Variants in GRIN2C observed in about 807,000 individuals in gnomAD.
GRIN2C encodes the protein glutamate receptor ionotropic, NMDA 2C.
GRIN2C carries 64 observed loss-of-function variants against 77.7 expected under a neutral mutation model. The observed-to-expected ratio is 0.82, with a 90% CI of 0.67 to 1.01. The LOEUF (loss-of-function observed/expected upper bound fraction) is 1.01, where lower values mean the gene tolerates loss of function less well. Ranked by LOEUF, GRIN2C falls within the 50% of genes least tolerant of loss-of-function variation. The pLI is 0.00. For missense variants in GRIN2C, 1,549 were observed against 1,486.0 expected (o/e 1.04, Z -0.70); for synonymous variants, 792 against 643.4 (o/e 1.23, Z -3.49).
Position 74,846,102 on chromosome 17 carries a change from C to A in GRIN2C, c.2314G>T (p.Ala772Ser), listed in dbSNP as rs924311801. Residue 772 changes from alanine (A) to serine (S), a missense_variant, in exon 11 of 13, where the codon GCC becomes TCC. This residue lies in a region of GRIN2C where 717 missense variants were observed against 858.1 expected (regional missense o/e 0.84). Transcript: ENST00000293190. The surrounding 1 kb of genome is among the most constrained non-coding windows in gnomAD (Gnocchi z 4.4). ...AACTGCAAGAGCGCCAGGTCTATGG[C>A]CCGCTTCCAGTGGGAGTCCTTCTGC... is the stretch of plus-strand genomic sequence containing the variant. ...AMQKDSHWKRAIDLALLQFLG... is the reference protein window; with the variant it reads ...AMQKDSHWKRSIDLALLQFLG... 6.2e-7 allele frequency: 1 copy of A among 1,614,222 alleles called. No homozygotes were observed. Among genetic ancestry groups the A allele is most frequent in the Non-Finnish European group, 8.5e-7 (1 of 1,180,026 alleles).
In GRIN2C at chr17:74,842,452, G is replaced by T; in HGVS notation, c.3685C>A (p.Leu1229Met). 1 of 775,298 alleles carries T rather than the reference G, an allele frequency of 1.3e-6. No homozygotes were observed. The highest frequency in any genetic ancestry group is 1.4e-5 in the South Asian group (1 of 73,928). The allele number at this position is 775,298 out of a possible 1,614,324, so 48.0% of individuals were successfully genotyped here. A position where few individuals can be genotyped will look rare whatever the true frequency, so the allele number is the denominator to read the frequency against. ...CTGATAACTCACACTTCTGACTCCA[G>T]ACTGGAGATCCGTCTCCAGGTGCAG... ...GPCTWRRISS[L>M]ESEV is the part of the protein sequence containing the mutation. Residue 1229 changes from leucine to methionine, a missense_variant, in exon 13 of 13, where the codon CTG becomes ATG. Leu to Met is a conservative substitution (Grantham distance 15). Transcript: ENST00000293190.
chr17:74,843,652 T>A, intron 12 of GRIN2C, 99 bp from the exon 13 acceptor site: 1 of 1,446,348 alleles, frequency 6.9e-7, no homozygotes. Flanking sequence ...CAGTCTTCTA[T>A]AAGTCTCAGG....
At position 74,850,986 on chromosome 17, in the gene GRIN2C, G is replaced by C. The variant is rs1266526100; in HGVS notation, c.1114-219C>G. On this transcript the variant is annotated intron_variant, in intron 4 of 12. Coordinates refer to ENST00000293190, the MANE Select transcript of GRIN2C (RefSeq NM_000835.6). This position sits in a 1 kb window ranked among gnomAD's most constrained non-coding sequence, Gnocchi z 5.3. ...CTTCCTAAAGCCCAGACCTGACCCT[G>C]TCTCACTCACTGTACTGGTCCCCCC... 6.7e-6 allele frequency: 4 copies of C among 593,564 alleles called. No homozygotes were observed. Among genetic ancestry groups the C allele is most frequent in the African/African-American group, 5.6e-5 (3 of 53,748 alleles). The allele number at this position is 593,564 out of a possible 1,614,324, so 36.8% of individuals were successfully genotyped here.
In GRIN2C at chr17:74,854,961, G is replaced by C. The variant is rs552529334; in HGVS notation, c.132C>G (p.Ala44=). ...VVFSSSGPPQ[A]QFRARLTPQS... ...GGGGGGTGAGGCGGGCACGGAACTGGGCCTGGGGCGGCCCTGAGCTGCTAA... is the reference window on the plus strand; with the variant it reads ...GGGGGGTGAGGCGGGCACGGAACTGCGCCTGGGGCGGCCCTGAGCTGCTAA... Residue 44 remains alanine, a synonymous_variant, in exon 2 of 13, where the codon GCC becomes GCG. Transcript: ENST00000293190. 6.2e-7 allele frequency: 1 copy of C among 1,611,910 alleles called. No individual in the cohort carries two copies. The highest frequency in any genetic ancestry group is 8.5e-7 in the Non-Finnish European group (1 of 1,179,950).
chr17:74,860,303 C>T (rs1465040297), upstream of GRIN2C: 4 of 392,172 alleles, frequency 1.0e-5, no homozygotes, highest in South Asian at 5.4e-5. Flanking sequence ...TCCTGTGGCC[C>T]GGGGTCAGGG....
chr17:74,854,540 T>C lies in GRIN2C; in HGVS notation c.399+154A>G, dbSNP rs556767000. 4 of 618,122 alleles carry C rather than the reference T, an allele frequency of 6.5e-6. No individual in the cohort carries two copies. The East Asian group carries it at 8.3e-5, about 13-fold the overall frequency. 38.3% of individuals were successfully genotyped at this position (618,122 alleles called of 1,614,324 possible). A position where few individuals can be genotyped will look rare whatever the true frequency, so the allele number is the denominator to read the frequency against. On this transcript the variant is annotated intron_variant, in intron 2 of 12. Transcript: ENST00000293190. Reference sequence around the variant, plus strand: ...CTCTCCTCTAGAACATGGGATGTCATTCCCATAACCATCTCCCCATCACCC... The same window carrying C: ...CTCTCCTCTAGAACATGGGATGTCACTCCCATAACCATCTCCCCATCACCC...
At chr17:74,845,697 A>G (rs1225019951) in intron 11 of GRIN2C, among the ~76,000 whole-genome samples, 1 of 152,152 alleles carries the variant, frequency 6.6e-6, no homozygotes, top group African/African-American at 2.4e-5. Context: ...CAAGATGGCC[A>G]TGGAGATACT....
Position 74,850,361 on chromosome 17 carries a change from C to T in GRIN2C, c.1336G>A (p.Val446Met), listed in dbSNP as rs61754645. ...CAGCAGAGCTTGGTGTAGGGGGCCACGTCCCCGCTGCTGCAGCCATGCCGC... is the reference window on the plus strand; with the variant it reads ...CAGCAGAGCTTGGTGTAGGGGGCCATGTCCCCGCTGCTGCAGCCATGCCGC... ...QSNHTFSSGDVAPYTKLCCKG... is the reference protein window; with the variant it reads ...QSNHTFSSGDMAPYTKLCCKG... Residue 446 changes from valine to methionine, a missense_variant, in exon 6 of 13, where the codon GTG (valine) becomes ATG (methionine). By Grantham distance (21) the Val-to-Met change is conservative. This residue lies in a region of GRIN2C where 717 missense variants were observed against 858.1 expected (regional missense o/e 0.84). Transcript: ENST00000293190. This position sits in a 1 kb window ranked among gnomAD's most constrained non-coding sequence, Gnocchi z 5.3. 2,512 of 1,611,822 alleles carry T rather than the reference C, an allele frequency of 1.6e-3. 12 individuals carry two copies. The highest frequency in any genetic ancestry group is 1.4e-3 in the Non-Finnish European group (1,635 of 1,179,884).
intron 11 of GRIN2C, 145 bp downstream of exon 11, chr17:74,845,921 C>T: frequency 1.4e-6 from 1 of 732,696 alleles, no homozygotes; most frequent in Non-Finnish European, 2.4e-6. Context: ...GCTCCTAGTA[C>T]CTGCCCACCT....
At position 74,842,510 on chromosome 17, in the gene GRIN2C, C is replaced by A. The variant is rs3744215; in HGVS notation, c.3627G>T (p.Arg1209Ser). Reference sequence around the variant, plus strand: ...GGAAGCCTTGCGTCCCACGGGCTACCCTGCTGATCTCGTCCAGTCCCCCAC... The same window carrying A: ...GGAAGCCTTGCGTCCCACGGGCTACACTGCTGATCTCGTCCAGTCCCCCAC... ...RDSGGLDEIS[R>S]VARGTQGFPG... The change falls in exon 13 of 13, where the codon AGG (arginine) becomes AGT (serine). Residue 1209 changes from arginine to serine, a missense_variant. By Grantham distance (110) the Arg-to-Ser change is moderately radical (BLOSUM62 -1). Transcript: ENST00000293190. 219,425 of 778,338 alleles carry A rather than the reference C, an allele frequency of 0.28. 32,472 individuals are homozygous for A. The highest frequency in any genetic ancestry group is 0.43 in the East Asian group (17,615 of 41,140). 48.2% of individuals were successfully genotyped at this position (778,338 alleles called of 1,614,324 possible).
chr17:74,856,787 C>T (rs1598498150), intron 1 of GRIN2C, among the ~76,000 whole-genome samples: 1 of 151,404 alleles, frequency 6.6e-6, no homozygotes, highest in African/African-American at 2.4e-5. Flanking sequence ...CTATCTCTCT[C>T]TTTTTTTTTA....
rs760330480 is a variant in GRIN2C at position 74,850,221 on chromosome 17, G to A, written c.1476C>T (p.Asn492=). The A allele has an allele frequency of 8.6e-5, 138 of 1,613,402 alleles. No homozygotes were observed. The highest frequency in any genetic ancestry group is 3.3e-4 in the Middle Eastern group (2 of 6,084). Residue 492 remains asparagine (N), a synonymous_variant, in exon 6 of 13, where the codon AAC becomes AAT. Transcript: ENST00000293190. The surrounding 1 kb of genome is among the most constrained non-coding windows in gnomAD (Gnocchi z 5.3). ...KHGKRVRGVW[N]GMIGEVYYKR... is the part of the protein sequence containing the mutation. Reference sequence around the variant, plus strand: ...TGGGGCCTACCTCCCCAATCATGCCGTTCCATACGCCGCGCACCCGCTTGC... The same window carrying A: ...TGGGGCCTACCTCCCCAATCATGCCATTCCATACGCCGCGCACCCGCTTGC...
intron 7 of GRIN2C, among the ~76,000 whole-genome samples, chr17:74,848,779 G>A (rs2037539145): frequency 6.6e-6 from 1 of 152,276 alleles, no homozygotes; most frequent in South Asian, 2.1e-4. Context: ...ATTTTGGGCG[G>A]CTGAGGCAGG....
chr17:74,845,956 C>CA, intron 11 of GRIN2C, 110 bp downstream of exon 11: 1 of 1,019,456 alleles, frequency 9.8e-7, no homozygotes, highest in Non-Finnish European at 1.5e-6. Flanking sequence ...TCTCACCCCC[C>CA]AGAGACCTCT....
chr17:74,844,601 T>C (rs2037402505), intron 11 of GRIN2C, 93 bp from the exon 12 acceptor site: 2 of 1,513,004 alleles, frequency 1.3e-6, no homozygotes, highest in African/African-American at 2.8e-5. Context: ...TAAGAAGGGA[T>C]CTGGGGCAGG....
Position 74,855,054 on chromosome 17 carries a change from C to T in GRIN2C, c.39G>A (p.Ser13=), listed in dbSNP as rs1183753155. Residue 13 remains serine, a synonymous_variant, in exon 2 of 13, where the codon TCG becomes TCA. Transcript: ENST00000293190. ...GALGPALLLT[S]LFGAWAGLGP... is the part of the protein sequence containing the mutation. ...CCAGCCCTGCCCAGGCACCGAAGAG[C>T]GAGGTGAGCAACAGGGCCGGCCCCA... 14 of 1,596,744 alleles carry T rather than the reference C, an allele frequency of 8.8e-6. No individual in the cohort carries two copies. The highest frequency in any genetic ancestry group is 4.0e-5 in the African/African-American group (3 of 74,776).
Position 74,847,835 on chromosome 17 carries a change from G to A in GRIN2C, c.1771+17C>T. On this transcript the variant is annotated intron_variant, in intron 8 of 12. Transcript: ENST00000293190. The surrounding 1 kb of genome is among the most constrained non-coding windows in gnomAD (Gnocchi z 5.2). ...TGCCCAGGCCCACCCCTCCTGCCGG[G>A]CCCAGGCAAGGCTTACTCTTGCCTC... is the stretch of plus-strand genomic sequence containing the variant. 1 of 1,613,718 alleles carries A rather than the reference G, an allele frequency of 6.2e-7. No homozygotes were observed. The highest frequency in any genetic ancestry group is 8.5e-7 in the Non-Finnish European group (1 of 1,179,826).
At position 74,854,844 on chromosome 17, in the gene GRIN2C, G is replaced by A. The variant is rs1371990532; in HGVS notation, c.249C>T (p.Gly83=). Reference sequence around the variant, plus strand: ...CGTGGACGTGGGCAGCACCCAGGAGGCCGCAGATCTGGGTGAGGAGGCTGC... The same window carrying A: ...CGTGGACGTGGGCAGCACCCAGGAGACCGCAGATCTGGGTGAGGAGGCTGC... ...NPSSLLTQIC[G]LLGAAHVHGI... is the part of the protein sequence containing the mutation. The change falls in exon 2 of 13, where the codon GGC becomes GGT. Residue 83 remains glycine, a synonymous_variant. Coordinates refer to ENST00000293190, the MANE Select transcript of GRIN2C (RefSeq NM_000835.6). The A allele has an allele frequency of 3.1e-6, 5 of 1,613,618 alleles. No individual in the cohort carries two copies. In the Admixed American group the frequency reaches 5.0e-5, roughly 16 times the overall value.
chr17:74,843,478 T>C lies in GRIN2C; in HGVS notation c.2659A>G (p.Ser887Gly), dbSNP rs2037363681. 2.6e-6 allele frequency: 4 copies of C among 1,534,218 alleles called. No individual in the cohort carries two copies. Among genetic ancestry groups the C allele is most frequent in the Non-Finnish European group, 3.5e-6 (4 of 1,146,386 alleles). The change falls in exon 13 of 13, where the codon AGC becomes GGC. Residue 887 changes from serine to glycine, a missense_variant. Ser to Gly is a moderately conservative substitution (Grantham distance 56, BLOSUM62 0). Transcript: ENST00000293190. ...TTGAGCACGCTGGCCTGGGCCGAGC[T>C]GGCCGTGAGGTCCGGGCTGGCCTGC... ...PRQASPDLTA[S>G]SAQASVLKML...
Sources: allele counts gnomAD v4.1 joint callset (sites outside exome capture counted in the v4.1 genomes callset), GRCh38; gene constraint gnomAD v4.1.1; regional missense constraint gnomAD v4.1.1; non-coding constraint Gnocchi (gnomAD v3.1); transcripts MANE v1.5; gene names NCBI Gene and HGNC (gene_info 2026-07-23, HGNC 2026-07-21).